Variants in RPAP2 observed in about 807,000 individuals in gnomAD.
RPAP2 encodes putative RNA polymerase II subunit B1 CTD phosphatase RPAP2.
In RPAP2, 52 loss-of-function variants were observed where a neutral mutation model predicts 73.1. The ratio of observed to expected loss-of-function variants is 0.71; its 90% CI spans 0.57 to 0.90. The LOEUF (loss-of-function observed/expected upper bound fraction) is 0.90, where lower values mean the gene tolerates loss of function less well. RPAP2 is among the 40% of genes least tolerant of loss of function. RPAP2 has a pLI of 0.00. For missense variants in RPAP2, 598 were observed against 701.8 expected, an observed-to-expected ratio of 0.85 and a Z score of 1.67; for synonymous variants, 225 against 242.1, an observed-to-expected ratio of 0.93 and a Z score of 0.65.
chr1:92,334,956 C>A (rs565839362), intron 9 of RPAP2, among the ~76,000 whole-genome samples: 3 of 151,996 alleles, frequency 2.0e-5, no homozygotes, highest in Non-Finnish European at 4.4e-5. Flanking sequence ...CCACTGCACT[C>A]CAGCCTGAGC....
At chr1:92,301,950 C>T (rs116334257) in intron 3 of RPAP2, among the ~76,000 whole-genome samples, 2,104 of 152,218 alleles carry the variant, frequency 0.014, 56 homozygotes, top group African/African-American at 0.047. Flanking sequence ...TAAAACATCA[C>T]ATACTACCCC....
In RPAP2 at chr1:92,401,260, A is replaced by G. The variant is rs1384967470; in HGVS notation, c.*14249A>G. On this transcript the variant is annotated 3_prime_UTR_variant, in exon 13 of 13. Coordinates refer to ENST00000610020, the MANE Select transcript of RPAP2 (RefSeq NM_024813.3). ...ACTCACTTCTGTAAAGATCAATTCA[A>G]TAAAAGCAGCAAACACACATACTTT... 1.3e-5 allele frequency: 2 copies of G among 152,228 alleles called. No homozygotes were observed. The highest frequency in any genetic ancestry group is 4.8e-5 in the African/African-American group (2 of 41,462). The allele number at this position is 152,228 out of a possible 1,614,324, so 9.4% of individuals were successfully genotyped here. A position where few individuals can be genotyped will look rare whatever the true frequency, so the allele number is the denominator to read the frequency against.
intron 8 of RPAP2, among the ~76,000 whole-genome samples, chr1:92,324,720 TA>T (rs1317605977): frequency 6.6e-6 from 1 of 152,240 alleles, no homozygotes; most frequent in East Asian, 1.9e-4. Context: ...TTCAGATTTT[TA>T]CATGGGGTCT....
intron 8 of RPAP2, 110 bp from the exon 9 acceptor site, chr1:92,333,281 T>C: frequency 1.3e-6 from 1 of 775,194 alleles, no homozygotes; most frequent in South Asian, 1.7e-5. Flanking sequence ...GTTATTTTCC[T>C]ACTGTGCCAC....
At chr1:92,371,532 G>A (rs1655153699) in intron 11 of RPAP2, among the ~76,000 whole-genome samples, 1 of 151,586 alleles carries the variant, frequency 6.6e-6, no homozygotes, top group Admixed American at 6.6e-5. Flanking sequence ...CAGCCGAAGT[G>A]TCCATCAACA....
chr1:92,310,460 C>T (rs907337219), intron 6 of RPAP2, among the ~76,000 whole-genome samples: 2 of 152,008 alleles, frequency 1.3e-5, no homozygotes, highest in African/African-American at 4.8e-5. Flanking sequence ...GTCAGTCTTC[C>T]TTTAGGGAGG....
In RPAP2 at chr1:92,382,405, A is replaced by C. The variant is rs533660684; in HGVS notation, c.1838+1532A>C. Among the ~76,000 whole-genome samples, 84 of 152,188 alleles carry C rather than the reference A, an allele frequency of 5.5e-4. 1 individual carries two copies. The highest frequency in any genetic ancestry group is 1.9e-3 in the African/African-American group (79 of 41,532). ...CCACCAACAGCGTACAAGTGTTCCT[A>C]TTTCTCCACATCCTCTCCAGCACCT... On this transcript the variant is annotated intron_variant, in intron 12 of 12. Transcript: ENST00000610020.
At chr1:92,380,963 C>A in intron 12 of RPAP2, 90 bp downstream of exon 12, 3 of 1,124,240 alleles carry the variant, frequency 2.7e-6, no homozygotes, top group Non-Finnish European at 3.7e-6. Context: ...TTGTAAAAAC[C>A]AAGTACAGAC....
intron 6 of RPAP2, among the ~76,000 whole-genome samples, chr1:92,312,900 CA>C (rs1238214350): frequency 7.9e-5 from 12 of 151,862 alleles, no homozygotes; most frequent in African/African-American, 2.9e-4. Flanking sequence ...TGGCTCACTA[CA>C]ACCTCTGCCT....
chr1:92,344,314 A>G (rs777502167), intron 10 of RPAP2, among the ~76,000 whole-genome samples: 5 of 152,154 alleles, frequency 3.3e-5, no homozygotes, highest in South Asian at 2.1e-4. Context: ...CTGAGGCAGA[A>G]GAATTGCTTG....
At chr1:92,319,801 C>A (rs1652138428) in intron 6 of RPAP2, among the ~76,000 whole-genome samples, 1 of 152,118 alleles carries the variant, frequency 6.6e-6, no homozygotes, top group Non-Finnish European at 1.5e-5. Context: ...GAGTTCAAGA[C>A]CAGCCTGACC....
At position 92,399,739 on chromosome 1, in the gene RPAP2, A is replaced by C. The variant is rs1273854814; in HGVS notation, c.*12728A>C. ...GCTCACTCCCACATCCTTACCTCTT[A>C]TCCTTCTCACATCGTCCCATTAACA... On this transcript the variant is annotated 3_prime_UTR_variant, in exon 13 of 13. Coordinates refer to ENST00000610020, the MANE Select transcript of RPAP2 (RefSeq NM_024813.3). 2 of 152,186 alleles carry C rather than the reference A, an allele frequency of 1.3e-5. No individual in the cohort carries two copies. The highest frequency in any genetic ancestry group is 4.8e-5 in the African/African-American group (2 of 41,444). The allele number at this position is 152,186 out of a possible 1,614,324, so 9.4% of individuals were successfully genotyped here. A position where few individuals can be genotyped will look rare whatever the true frequency, so the allele number is the denominator to read the frequency against.
chr1:92,341,801 C>T (rs990975832), intron 10 of RPAP2, among the ~76,000 whole-genome samples: 1 of 152,266 alleles, frequency 6.6e-6, no homozygotes, highest in Non-Finnish European at 1.5e-5. Flanking sequence ...TGCGCCACCA[C>T]ACCCAGCTAA....
rs1571124974 is a variant in RPAP2, at chr1:92,361,316, T to C, written c.1688+15402T>C. Among the ~76,000 whole-genome samples, 5 of 152,190 alleles carry C rather than the reference T, an allele frequency of 3.3e-5. No homozygotes were observed. The Middle Eastern group carries it at 0.017, about 521-fold the overall frequency. ...CATAATCTCCATGCAGTCAAATACA[T>C]TGTCTGGATTACTTTTGTCTTCCTA... On this transcript the variant is annotated intron_variant, in intron 11 of 12. Coordinates refer to ENST00000610020, the MANE Select transcript of RPAP2 (RefSeq NM_024813.3).
chr1:92,309,440 C>CA (rs35648463), intron 6 of RPAP2, among the ~76,000 whole-genome samples: 55,831 of 145,670 alleles, frequency 0.38, 11,480 homozygotes, highest in African/African-American at 0.48. Flanking sequence ...GACTCCATCT[C>CA]AAAAAAAAAA....
chr1:92,380,392 C>A (rs1252201561), intron 11 of RPAP2, among the ~76,000 whole-genome samples: 1 of 152,126 alleles, frequency 6.6e-6, no homozygotes, highest in Non-Finnish European at 1.5e-5. Context: ...TAAAGCAATT[C>A]TCAGCTCTAA....
At chr1:92,346,085 T>C (rs574384933) in intron 11 of RPAP2, among the ~76,000 whole-genome samples, 171 bp downstream of exon 11, 2 of 152,242 alleles carry the variant, frequency 1.3e-5, no homozygotes, top group East Asian at 1.9e-4. Flanking sequence ...TAAAGTGATA[T>C]GTAATTATTC....
intron 11 of RPAP2, among the ~76,000 whole-genome samples, chr1:92,368,927 C>CAGA (rs1294996532): frequency 6.6e-6 from 1 of 152,166 alleles, no homozygotes; most frequent in South Asian, 2.1e-4. Flanking sequence ...TCTGTATTTT[C>CAGA]AGAAGTGAGG....
chr1:92,338,253 G>A (rs1653388186), intron 10 of RPAP2, among the ~76,000 whole-genome samples: 1 of 152,136 alleles, frequency 6.6e-6, no homozygotes, highest in South Asian at 2.1e-4. Context: ...CTCATTAGGT[G>A]TCATGAAAAC....
Sources: gnomAD v4.1 joint callset for allele counts (sites outside exome capture counted in the v4.1 genomes callset) on GRCh38, gnomAD v4.1.1 for gene constraint, MANE v1.5 for transcripts, NCBI Gene and HGNC (gene_info 2026-07-23, HGNC 2026-07-21) for gene names.